The following DDX10 variants were observed in gnomAD, a reference collection of about 807,000 sequenced individuals.
DDX10 encodes DEAD-box helicase 10, also known as probable ATP-dependent RNA helicase DDX10.
Under a neutral mutation model 104.3 loss-of-function variants are expected in DDX10, and 74 were observed. The ratio of observed to expected loss-of-function variants is 0.71; its 90% CI spans 0.59 to 0.86. The LOEUF (loss-of-function observed/expected upper bound fraction) is 0.86. DDX10 is among the 40% of genes least tolerant of loss of function. The pLI is 0.00. For synonymous variants in DDX10, 351 were observed against 353.4 expected, an observed-to-expected ratio of 0.99 and a Z score of 0.08; for missense variants, 952 against 1,040.0, an observed-to-expected ratio of 0.92 and a Z score of 1.16.
intron 13 of DDX10, among the ~76,000 whole-genome samples, chr11:108,790,769 T>G (rs1202841737): frequency 6.6e-6 from 1 of 152,262 alleles, no homozygotes; most frequent in East Asian, 1.9e-4. Context: ...TTTTGTTTTT[T>G]TTTTTGACTC....
intron 16 of DDX10, among the ~76,000 whole-genome samples, chr11:108,869,408 A>C (rs951596813): frequency 9.9e-5 from 15 of 152,140 alleles, no homozygotes; most frequent in African/African-American, 3.6e-4. Context: ...TGAACTTCAG[A>C]AACATATTTG....
intron 16 of DDX10, among the ~76,000 whole-genome samples, chr11:108,864,003 C>T (rs1862974072): frequency 6.6e-6 from 1 of 152,056 alleles, no homozygotes; most frequent in Admixed American, 6.5e-5. Flanking sequence ...GAATCCAAGG[C>T]AGTCATGTTT....
intron 15 of DDX10, among the ~76,000 whole-genome samples, chr11:108,847,881 T>C (rs1486098938): frequency 6.6e-6 from 1 of 152,222 alleles, no homozygotes; most frequent in Non-Finnish European, 1.5e-5. Flanking sequence ...GGTCAAGTAA[T>C]GTGTCCAGAA....
At position 108,747,386 on chromosome 11, in the gene DDX10, A is replaced by G. The variant is rs371764959; in HGVS notation, c.1965+23924A>G. On this transcript the variant is annotated intron_variant, in intron 13 of 17. Transcript: ENST00000322536. ...GACATTCAGTTTGGCTCAGTTGGCCAGAGTGCAGTGATTGATTAATGAGGT... is the reference window on the plus strand; with the variant it reads ...GACATTCAGTTTGGCTCAGTTGGCCGGAGTGCAGTGATTGATTAATGAGGT... 2.0e-5 allele frequency among the ~76,000 whole-genome samples: 3 copies of G among 152,288 alleles called. No homozygotes were observed. In the South Asian group the frequency reaches 6.2e-4, roughly 32 times the overall value.
chr11:108,859,479 CTTTG>C (rs1027745435), intron 16 of DDX10, among the ~76,000 whole-genome samples: 4 of 152,058 alleles, frequency 2.6e-5, no homozygotes, highest in African/African-American at 9.6e-5. Context: ...GTACATATCC[CTTTG>C]TTTATGTTGT....
At chr11:108,911,924 C>T (rs564983784) in intron 16 of DDX10, among the ~76,000 whole-genome samples, 2 of 152,218 alleles carry the variant, frequency 1.3e-5, no homozygotes, top group African/African-American at 4.8e-5. Flanking sequence ...TTTTGTAAGG[C>T]ATCCTCTCAG....
intron 17 of DDX10, chr11:108,918,579 A>C (rs1033531577): frequency 1.3e-5 from 2 of 152,290 alleles, no homozygotes; most frequent in African/African-American, 4.8e-5. Flanking sequence ...GCTTGAAGCC[A>C]GGAGTTTGAG....
chr11:108,838,011 C>G (rs1275878479), intron 13 of DDX10, among the ~76,000 whole-genome samples: 1 of 152,064 alleles, frequency 6.6e-6, no homozygotes, highest in African/African-American at 2.4e-5. Context: ...ACGTTGCAAA[C>G]AATGTATGGC....
At chr11:108,675,196 TCTGTGAATAATGC>T (rs1247493801) in intron 2 of DDX10, among the ~76,000 whole-genome samples, 1 of 152,178 alleles carries the variant, frequency 6.6e-6, no homozygotes, top group Non-Finnish European at 1.5e-5. Context: ...TATCTTGGCT[TCTGTGAATAATGC>T]TGCAATGAAC....
intron 13 of DDX10, among the ~76,000 whole-genome samples, chr11:108,799,926 T>C (rs1861995601): frequency 6.6e-6 from 1 of 152,066 alleles, no homozygotes; most frequent in South Asian, 2.1e-4. Context: ...TTTTTTGTTG[T>C]TGTTAAGAGA....
chr11:108,881,653 G>A (rs1863228734), intron 16 of DDX10, among the ~76,000 whole-genome samples: 1 of 152,016 alleles, frequency 6.6e-6, no homozygotes, highest in Non-Finnish European at 1.5e-5. Flanking sequence ...TATAAAATAG[G>A]CTTTATGTTA....
intron 13 of DDX10, among the ~76,000 whole-genome samples, chr11:108,835,135 A>AT (rs1444188927): frequency 6.6e-6 from 1 of 151,940 alleles, no homozygotes; most frequent in African/African-American, 2.4e-5. Flanking sequence ...CATACAGGTT[A>AT]TTTTTTAGGT....
chr11:108,761,380 T>G (rs958923500), intron 13 of DDX10, among the ~76,000 whole-genome samples: 5 of 152,168 alleles, frequency 3.3e-5, no homozygotes, highest in Non-Finnish European at 7.4e-5. Context: ...TTGTGTGGCC[T>G]ATGAGTTCGT....
chr11:108,743,568 T>C (rs1381513322), intron 13 of DDX10, among the ~76,000 whole-genome samples: 2 of 152,174 alleles, frequency 1.3e-5, no homozygotes, highest in Non-Finnish European at 2.9e-5. Context: ...ATTGAACTAT[T>C]AGTAATTTTA....
chr11:108,717,872 T>C (rs973646208), intron 11 of DDX10, among the ~76,000 whole-genome samples: 3 of 152,110 alleles, frequency 2.0e-5, no homozygotes, highest in African/African-American at 7.2e-5. Flanking sequence ...AAAAATGTCT[T>C]GGATGGCTGG....
chr11:108,679,355 C>G lies in DDX10; in HGVS notation c.659-16C>G, dbSNP rs768521720. 2 of 1,579,194 alleles carry G rather than the reference C, an allele frequency of 1.3e-6. No homozygotes were observed. The highest frequency in any genetic ancestry group is 1.4e-5 in the African/African-American group (1 of 73,342). ...ATTTTACATATGATAGTTCAACTTG[C>G]ATTTTCCTTTTTCAGTTCTTGATGA... On this transcript the variant is annotated splice_polypyrimidine_tract_variant and intron_variant, in intron 5 of 17. Transcript: ENST00000322536.
chr11:108,726,983 T>G (rs993774846), intron 13 of DDX10, among the ~76,000 whole-genome samples: 1 of 152,130 alleles, frequency 6.6e-6, no homozygotes, highest in African/African-American at 2.4e-5. Flanking sequence ...GGTGTATTGA[T>G]TTCCCCCTGC....
At chr11:108,904,740 C>G (rs1244955866) in intron 16 of DDX10, among the ~76,000 whole-genome samples, 1 of 150,682 alleles carries the variant, frequency 6.6e-6, no homozygotes, top group Non-Finnish European at 1.5e-5. Context: ...TTTTTTTTCC[C>G]CTGAGATATG....
At chr11:108,692,175 A>G (rs2134450885) in intron 8 of DDX10, 137 bp downstream of exon 8, 3 of 747,726 alleles carry the variant, frequency 4.0e-6, no homozygotes, top group East Asian at 2.9e-5. Context: ...TAAGTAGTAA[A>G]TTGGTAGCAG....
Sources: allele counts gnomAD v4.1 joint callset (sites outside exome capture counted in the v4.1 genomes callset), GRCh38; gene constraint gnomAD v4.1.1; transcripts MANE v1.5; gene names NCBI Gene and HGNC (gene_info 2026-07-23, HGNC 2026-07-21).